The following FOXP2 variants were observed in gnomAD, a reference collection of about 807,000 sequenced individuals.
The protein encoded by FOXP2 is forkhead box P2.
In FOXP2, 12 loss-of-function variants were observed where a neutral mutation model predicts 115.8. That is an observed-to-expected ratio of 0.10 (90% confidence interval 0.07 to 0.17). The LOEUF (loss-of-function observed/expected upper bound fraction) is 0.17. Ranked by LOEUF, FOXP2 falls within the 10% of genes least tolerant of loss-of-function variation. The pLI is 1.00. For missense variants in FOXP2, 629 were observed against 843.5 expected (o/e 0.75, Z 3.15); for synonymous variants, 328 against 297.7 (o/e 1.10, Z -1.05).
rs112004594 is a variant in FOXP2 at position 114,541,775 on chromosome 7, A to G, written c.258+7069A>G. Among the ~76,000 whole-genome samples the G allele has an allele frequency of 8.6e-3, 1,304 of 151,384 alleles. 8 individuals carry two copies. The highest frequency in any genetic ancestry group is 0.012 in the Non-Finnish European group (840 of 67,804). ...AGGAGGCCAAATTTTCGCTTTTCTT[A>G]GCTACCCAAGCACTTGCTTCTTTCT... is the stretch of plus-strand genomic sequence containing the variant. On this transcript the variant is annotated intron_variant, in intron 3 of 16. Coordinates refer to ENST00000350908, the MANE Select transcript of FOXP2 (RefSeq NM_014491.4).
chr7:114,119,794 A>G (rs962855644), intron 1 of FOXP2, among the ~76,000 whole-genome samples: 2 of 152,112 alleles, frequency 1.3e-5, no homozygotes, highest in African/African-American at 2.4e-5. Flanking sequence ...TATAGACCCA[A>G]TCATCTTTAT....
At chr7:114,281,262 C>T (rs753318785) in intron 1 of FOXP2, among the ~76,000 whole-genome samples, 3 of 151,536 alleles carry the variant, frequency 2.0e-5, no homozygotes, top group Non-Finnish European at 4.4e-5. Flanking sequence ...CTACCATGCC[C>T]GGCTAATTTT....
At chr7:114,376,595 T>C (rs980382261) in intron 2 of FOXP2, among the ~76,000 whole-genome samples, 1 of 152,192 alleles carries the variant, frequency 6.6e-6, no homozygotes, top group Non-Finnish European at 1.5e-5. Flanking sequence ...AAACCTTTCC[T>C]GAGAGAGGTA....
chr7:114,187,504 G>A (rs929527642), intron 1 of FOXP2, among the ~76,000 whole-genome samples: 2 of 152,074 alleles, frequency 1.3e-5, no homozygotes, highest in South Asian at 2.1e-4. Flanking sequence ...CAGCATTCTG[G>A]TCACAACCAC....
At chr7:114,394,705 T>C (rs4498468) in intron 2 of FOXP2, among the ~76,000 whole-genome samples, 24 of 152,214 alleles carry the variant, frequency 1.6e-4, no homozygotes, top group African/African-American at 5.8e-4. Flanking sequence ...AAACTAATCA[T>C]GAGGAAACAC....
At chr7:114,685,741 G>T (rs530231482) in intron 16 of FOXP2, among the ~76,000 whole-genome samples, 1 of 152,168 alleles carries the variant, frequency 6.6e-6, no homozygotes, top group African/African-American at 2.4e-5. Flanking sequence ...CCCCAGAATT[G>T]GCTTTTCTGA....
chr7:114,359,028 C>T (rs1030176235), intron 2 of FOXP2, among the ~76,000 whole-genome samples: 1 of 152,118 alleles, frequency 6.6e-6, no homozygotes, highest in Admixed American at 6.5e-5. Flanking sequence ...CAGGGCTTAT[C>T]AAAGGTCTTC....
intron 2 of FOXP2, among the ~76,000 whole-genome samples, chr7:114,312,181 AT>A (rs1460603155): frequency 6.6e-6 from 1 of 152,100 alleles, no homozygotes; most frequent in African/African-American, 2.4e-5. Flanking sequence ...AACATTATTT[AT>A]TTTGGATTTG....
At chr7:114,618,408 G>A (rs1804063151) in intron 3 of FOXP2, among the ~76,000 whole-genome samples, 1 of 152,174 alleles carries the variant, frequency 6.6e-6, no homozygotes, top group African/African-American at 2.4e-5. Context: ...AATCTTATGA[G>A]CAAGAGTTGG....
intron 3 of FOXP2, among the ~76,000 whole-genome samples, chr7:114,539,137 C>T (rs1799532179): frequency 6.6e-6 from 1 of 151,796 alleles, no homozygotes; most frequent in South Asian, 2.1e-4. Context: ...CTATAGTAAA[C>T]TAATTATCAA....
At chr7:114,499,235 C>T (rs562911747) in intron 2 of FOXP2, 40 of 300,728 alleles carry the variant, frequency 1.3e-4, no homozygotes, top group Middle Eastern at 9.8e-4. Context: ...TGGAGGATTG[C>T]ATGCAGGATA....
chr7:114,637,197 T>TATGA (rs1422906095), intron 6 of FOXP2, among the ~76,000 whole-genome samples: 1 of 152,116 alleles, frequency 6.6e-6, no homozygotes, highest in Non-Finnish European at 1.5e-5. Flanking sequence ...TTATCTGTGG[T>TATGA]ATGATAGACA....
chr7:114,297,465 C>A, intron 2 of FOXP2: 1 of 396,154 alleles, frequency 2.5e-6, no homozygotes, highest in Non-Finnish European at 4.7e-6. Context: ...AGTGGAAGCA[C>A]TATATGCATT....
At chr7:114,313,894 A>G (rs1209549415) in intron 2 of FOXP2, among the ~76,000 whole-genome samples, 1 of 152,176 alleles carries the variant, frequency 6.6e-6, no homozygotes, top group East Asian at 1.9e-4. Flanking sequence ...CCAACATTTT[A>G]TCTTGAGTCT....
chr7:114,277,837 A>G (rs1016419621), intron 1 of FOXP2, among the ~76,000 whole-genome samples: 2 of 151,880 alleles, frequency 1.3e-5, no homozygotes, highest in Non-Finnish European at 2.9e-5. Context: ...CAACATGGTG[A>G]AACCCCGTCT....
chr7:114,426,652 A>G lies in FOXP2; in HGVS notation c.141A>G (p.Val47=), dbSNP rs1275071743. 1 of 1,611,334 alleles carries G rather than the reference A, an allele frequency of 6.2e-7. No homozygotes were observed. ...ACACCAGCTCTGAAGTAAGCACAGT[A>G]GAACTGCTGCATCTGCAACAACAGC... ...SGDTSSEVST[V]ELLHLQQQQA... Residue 47 remains valine, a synonymous_variant, in exon 2 of 17, where the codon GTA becomes GTG. Coordinates refer to ENST00000350908, the MANE Select transcript of FOXP2 (RefSeq NM_014491.4).
chr7:114,674,791 T>C (rs1353046829), intron 16 of FOXP2, among the ~76,000 whole-genome samples: 1 of 152,160 alleles, frequency 6.6e-6, no homozygotes, highest in Non-Finnish European at 1.5e-5. Flanking sequence ...TGTAAAAATC[T>C]AAATTTCTGT....
intron 2 of FOXP2, among the ~76,000 whole-genome samples, chr7:114,484,229 A>G (rs1250094307): frequency 6.6e-6 from 1 of 151,670 alleles, no homozygotes; most frequent in Non-Finnish European, 1.5e-5. Context: ...ATTCTCTGTG[A>G]TAATCTAATT....
intron 3 of FOXP2, among the ~76,000 whole-genome samples, chr7:114,621,804 GTT>G (rs1196877255): frequency 6.6e-6 from 1 of 151,938 alleles, no homozygotes; most frequent in Non-Finnish European, 1.5e-5. Flanking sequence ...GTTTTGAAGA[GTT>G]TCAGTCTTTA....
Sources: gnomAD v4.1 joint callset for allele counts (sites outside exome capture counted in the v4.1 genomes callset) on GRCh38, gnomAD v4.1.1 for gene constraint, MANE v1.5 for transcripts, NCBI Gene and HGNC (gene_info 2026-07-23, HGNC 2026-07-21) for gene names.